KCNH6: variants seen among roughly 807,000 people sequenced by gnomAD.
The protein encoded by KCNH6 is voltage-gated inwardly rectifying potassium channel KCNH6.
KCNH6 carries 81 observed loss-of-function variants against 83.4 expected under a neutral mutation model. That is an observed-to-expected ratio of 0.97 (90% CI 0.81 to 1.17). The LOEUF (loss-of-function observed/expected upper bound fraction) is 1.17. Ranked by LOEUF, KCNH6 falls within the 50% of genes most tolerant of loss-of-function variation. KCNH6 has a pLI of 0.00. For synonymous variants in KCNH6, 503 were observed against 545.6 expected (o/e 0.92, Z 1.09); for missense variants, 1,203 against 1,290.5 (o/e 0.93, Z 1.04).
rs2031487225 is a variant in KCNH6 at position 63,523,580 on chromosome 17, G to T, written c.76+91G>T. 4.1e-6 allele frequency: 5 copies of T among 1,225,476 alleles called. No homozygotes were observed. The Admixed American group carries it at 1.1e-4, about 26-fold the overall frequency. 75.9% of individuals were successfully genotyped at this position (1,225,476 alleles called of 1,614,324 possible). A position where few individuals can be genotyped will look rare whatever the true frequency, so the allele number is the denominator to read the frequency against. On this transcript the variant is annotated intron_variant, in intron 1 of 12. Coordinates refer to ENST00000314672, the MANE Select transcript of KCNH6 (RefSeq NM_001278919.2). This position sits in a 1 kb window ranked among gnomAD's most constrained non-coding sequence, Gnocchi z 4.2. ...GACCCCTTTACTAACTTCTAACCGG[G>T]CAAGGTGGTGAGTGCCGGGTGCTGA...
At chr17:63,541,010 C>T (rs1171067378) in intron 8 of KCNH6, among the ~76,000 whole-genome samples, 2 of 152,206 alleles carry the variant, frequency 1.3e-5, no homozygotes, top group African/African-American at 2.4e-5. Flanking sequence ...GGAGCCCCTC[C>T]CTCCTCCATG....
At chr17:63,540,624 G>C (rs540981989) in intron 8 of KCNH6, among the ~76,000 whole-genome samples, 1 of 152,282 alleles carries the variant, frequency 6.6e-6, no homozygotes, top group East Asian at 1.9e-4. Flanking sequence ...TCAAGCTTCA[G>C]GGTTTCATGT....
At position 63,546,239 on chromosome 17, in the gene KCNH6, CAAA is replaced by C. The variant is rs79018117; in HGVS notation, c.*353_*355del. Reference sequence around the variant, plus strand: ...TGGGTGACAGAGTGAGACTCCAACTCAAAAAAAAAAAAAAAAAAGATCTTGGGG... The same window carrying C: ...TGGGTGACAGAGTGAGACTCCAACTCAAAAAAAAAAAAAAAGATCTTGGGG... On this transcript the variant is annotated 3_prime_UTR_variant, in exon 13 of 13. Coordinates refer to ENST00000314672, the MANE Select transcript of KCNH6 (RefSeq NM_001278919.2). 34 of 65,484 alleles carry C rather than the reference CAAA, an allele frequency of 5.2e-4. No individual in the cohort carries two copies. Among genetic ancestry groups the C allele is most frequent in the Admixed American group, 8.9e-4 (5 of 5,624 alleles). 4.1% of individuals were successfully genotyped at this position (65,484 alleles called of 1,614,324 possible). A position where few individuals can be genotyped will look rare whatever the true frequency, so the allele number is the denominator to read the frequency against.
intron 12 of KCNH6, 105 bp downstream of exon 12, chr17:63,545,369 C>T (rs2033095772): frequency 8.2e-7 from 1 of 1,216,978 alleles, no homozygotes; most frequent in Admixed American, 2.2e-5. Context: ...CTCTGTGGCC[C>T]CAGAGCAGCC....
At chr17:63,525,915 G>A (rs2031679911) in intron 2 of KCNH6, among the ~76,000 whole-genome samples, 3 of 152,200 alleles carry the variant, frequency 2.0e-5, no homozygotes, top group Non-Finnish European at 4.4e-5. Context: ...CAGGAAATGG[G>A]GGTTACAGCA....
intron 8 of KCNH6, among the ~76,000 whole-genome samples, chr17:63,541,259 T>TGCATGGAAAG (rs2032841681): frequency 6.6e-6 from 1 of 151,336 alleles, no homozygotes; most frequent in Admixed American, 6.6e-5. Context: ...CCCCTTGCCT[T>TGCATGGAAAG]GCATGGACCT....
At chr17:63,530,680 C>A in intron 4 of KCNH6, 138 bp downstream of exon 4, 1 of 733,788 alleles carries the variant, frequency 1.4e-6, no homozygotes, top group Non-Finnish European at 2.2e-6. Context: ...CTGGTTTGAG[C>A]CCCGGGCCTC....
Position 63,538,629 on chromosome 17 carries a change from ATCCT to A in KCNH6, c.1922_1925del (p.Ile641SerfsTer10), listed in dbSNP as rs1487763182. 1 of 1,603,030 alleles carries A rather than the reference ATCCT, an allele frequency of 6.2e-7. No individual in the cohort carries two copies. The stretch of plus-strand genomic sequence containing the variant: ...CTTCATCTCCCGAGGCTCCATCGAG[ATCCT>A]GCGCGACGACGTGGTCGTGGCCATC... On this transcript the variant is annotated frameshift_variant, in exon 8 of 13. Coordinates refer to ENST00000314672, the MANE Select transcript of KCNH6 (RefSeq NM_001278919.2). LOFTEE classifies it high-confidence loss of function. The surrounding 1 kb of genome is among the most constrained non-coding windows in gnomAD (Gnocchi z 4.0).
chr17:63,529,213 G>A (rs562441973), intron 2 of KCNH6, among the ~76,000 whole-genome samples: 10 of 152,320 alleles, frequency 6.6e-5, no homozygotes, highest in South Asian at 2.1e-4. Context: ...CAGAGTCTAC[G>A]ACCTGAGAGG....
intron 10 of KCNH6, chr17:63,543,920 C>T: frequency 2.9e-5 from 21 of 715,218 alleles, no homozygotes. Flanking sequence ...ACTAGCCAGC[C>T]CCCTGAGGTT....
Position 63,536,057 on chromosome 17 carries a change from TGCTCATC to T in KCNH6, c.1492_1498del (p.Leu498AlafsTer3), listed in dbSNP as rs2032479294. The T allele has an allele frequency of 6.2e-7, 1 of 1,613,074 alleles. No individual in the cohort carries two copies. Among genetic ancestry groups the T allele is most frequent in the Non-Finnish European group, 8.5e-7 (1 of 1,179,838 alleles). On this transcript the variant is annotated frameshift_variant, in exon 6 of 13. Transcript: ENST00000314672. LOFTEE classifies it high-confidence loss of function. ...GAGAAGGTCTTCTCCATCTGCGTCA[TGCTCATC>T]GGCTGTGAGTGAGACCTCATGCCAC...
intron 4 of KCNH6, among the ~76,000 whole-genome samples, chr17:63,532,577 G>A (rs2032193792): frequency 1.3e-5 from 2 of 152,236 alleles, no homozygotes; most frequent in Non-Finnish European, 2.9e-5. Flanking sequence ...CCTCAAGGCT[G>A]AGCAGGTCAC....
intron 4 of KCNH6, among the ~76,000 whole-genome samples, chr17:63,532,318 G>A (rs974940929): frequency 2.0e-5 from 3 of 152,172 alleles, no homozygotes; most frequent in Non-Finnish European, 4.4e-5. Context: ...AGGGTGTGAC[G>A]GCAGCTGCTC....
chr17:63,548,236 A>G (rs886417057), downstream of KCNH6, among the ~76,000 whole-genome samples: 2 of 152,116 alleles, frequency 1.3e-5, no homozygotes, highest in African/African-American at 4.8e-5. Flanking sequence ...ACTGCACTCC[A>G]GCGTGGGCAA....
At chr17:63,525,567 AGCATGTGTGTGCTT>A (rs915188252) in intron 2 of KCNH6, among the ~76,000 whole-genome samples, 4 of 151,978 alleles carry the variant, frequency 2.6e-5, no homozygotes, top group African/African-American at 9.7e-5. Flanking sequence ...GTGAAACATG[AGCATGTGTGTGCTT>A]GCATGTGTGT....
chr17:63,530,611 C>T, intron 4 of KCNH6, 69 bp downstream of exon 4: 2 of 1,434,762 alleles, frequency 1.4e-6, no homozygotes, highest in Non-Finnish European at 2.0e-6. Flanking sequence ...AGGCTCTGGG[C>T]CCAGGCCCTT....
chr17:63,524,503 T>G (rs921781940), intron 2 of KCNH6, 134 bp downstream of exon 2: 24 of 684,292 alleles, frequency 3.5e-5, no homozygotes, highest in Non-Finnish European at 5.5e-5. Context: ...CTAGGGGCCT[T>G]GGTTCCTCCA....
chr17:63,536,147 G>A (rs565247286), intron 6 of KCNH6, 79 bp downstream of exon 6: 1 of 1,274,832 alleles, frequency 7.8e-7, no homozygotes, highest in African/African-American at 1.5e-5. Context: ...TTTGTACTGA[G>A]ATAGAACATA....
downstream of KCNH6, among the ~76,000 whole-genome samples, chr17:63,547,533 CGT>C (rs1306073780): frequency 1.2e-4 from 4 of 34,724 alleles, no homozygotes; most frequent in Admixed American, 6.1e-4. Flanking sequence ...TCTTTAACAT[CGT>C]TCTTTTTTCT....
Sources: gnomAD v4.1 joint callset for allele counts (sites outside exome capture counted in the v4.1 genomes callset) on GRCh38, gnomAD v4.1.1 for gene constraint, Gnocchi (gnomAD v3.1) non-coding constraint, MANE v1.5 for transcripts, NCBI Gene and HGNC (gene_info 2026-07-23, HGNC 2026-07-21) for gene names.